RGS14: variants seen among roughly 807,000 people sequenced by gnomAD.
RGS14 encodes regulator of G protein signaling 14.
Under a neutral mutation model 63.8 loss-of-function variants are expected in RGS14, and 33 were observed. That is an observed-to-expected ratio of 0.52 (90% CI 0.39 to 0.69). The LOEUF (loss-of-function observed/expected upper bound fraction) is 0.69, where lower values mean the gene tolerates loss of function less well. Among genes scored for constraint, RGS14 ranks in the 30% least tolerant of loss-of-function variants. RGS14 has a pLI of 0.00. For missense variants in RGS14, 739 were observed against 742.9 expected (o/e 0.99, Z 0.06); for synonymous variants, 296 against 320.9 (o/e 0.92, Z 0.83).
Position 177,371,873 on chromosome 5 carries a change from G to T in RGS14, c.1499G>T (p.Gly500Val), listed in dbSNP as rs374064730. Residue 500 changes from glycine (G) to valine (V), a missense_variant and splice_region_variant, in exon 15 of 15, where the codon GGC (glycine) becomes GTC (valine). Physicochemically the swap from Gly to Val is moderately radical, Grantham distance 109. Coordinates refer to ENST00000408923, the MANE Select transcript of RGS14 (RefSeq NM_006480.5). This position sits in a 1 kb window ranked among gnomAD's most constrained non-coding sequence, Gnocchi z 6.1. ...CCCTCATGCTGTGGCTTGCCTCCAG[G>T]CCTGGTGGAGCTGCTGAACCGGGTG... Reference protein sequence around the residue: ...TGKRQTCDIEGLVELLNRVQS... With the variant: ...TGKRQTCDIEVLVELLNRVQS... The T allele has an allele frequency of 1.2e-6, 2 of 1,610,380 alleles. No individual in the cohort carries two copies. Among genetic ancestry groups the T allele is most frequent in the African/African-American group, 1.3e-5 (1 of 74,910 alleles).
chr5:177,367,598 C>T, intron 6 of RGS14, 41 bp downstream of exon 6: 2 of 1,585,484 alleles, frequency 1.3e-6, no homozygotes, highest in Non-Finnish European at 1.7e-6. Context: ...GGCAGGGGGT[C>T]CTGCGGACCG....
At position 177,359,083 on chromosome 5, in the gene RGS14, A is replaced by G. The variant is rs560846955; in HGVS notation, c.45+1014A>G. Among the ~76,000 whole-genome samples the G allele has an allele frequency of 8.7e-4, 132 of 152,274 alleles. 3 individuals are homozygous for G. The Middle Eastern group carries it at 0.02, about 24-fold the overall frequency. ...TTTGACCCATTGTGGGGGCTGCATA[A>G]TTGTCAGCCCAGTGCCCCCTACATT... is the stretch of plus-strand genomic sequence containing the variant. On this transcript the variant is annotated intron_variant, in intron 1 of 14. Coordinates refer to ENST00000408923, the MANE Select transcript of RGS14 (RefSeq NM_006480.5). The surrounding 1 kb of genome is among the most constrained non-coding windows in gnomAD (Gnocchi z 4.4).
In RGS14 at chr5:177,364,729, CAAG is replaced by C. The variant is rs893455350; in HGVS notation, c.46-1232_46-1230del. Among the ~76,000 whole-genome samples, 71 of 152,246 alleles carry C rather than the reference CAAG, an allele frequency of 4.7e-4. No homozygotes were observed. The highest frequency in any genetic ancestry group is 1.6e-3 in the African/African-American group (68 of 41,532). On this transcript the variant is annotated intron_variant, in intron 1 of 14. Coordinates refer to ENST00000408923, the MANE Select transcript of RGS14 (RefSeq NM_006480.5). The surrounding 1 kb of genome is among the most constrained non-coding windows in gnomAD (Gnocchi z 4.6). ...GCTGCTAGGAAGGTAAAAAGAGAAA[CAAG>C]AGAAACCACCGCAAGAGTCATTTTG...
Position 177,371,789 on chromosome 5 carries a change from G to T in RGS14, c.1499-84G>T. ...TGGTGCTGGGGCCAGGGAGGCAGTG[G>T]CCACAGTAAGGCAGTGGGACTATCG... On this transcript the variant is annotated intron_variant, in intron 14 of 14. Coordinates refer to ENST00000408923, the MANE Select transcript of RGS14 (RefSeq NM_006480.5). This position sits in a 1 kb window ranked among gnomAD's most constrained non-coding sequence, Gnocchi z 6.1. The T allele has an allele frequency of 7.0e-7, 1 of 1,431,142 alleles. No homozygotes were observed. The highest frequency in any genetic ancestry group is 9.6e-7 in the Non-Finnish European group (1 of 1,041,388). The allele number at this position is 1,431,142 out of a possible 1,614,324, so 88.7% of individuals were successfully genotyped here. A position where few individuals can be genotyped will look rare whatever the true frequency, so the allele number is the denominator to read the frequency against.
At chr5:177,360,261 A>G (rs1761932149) in intron 1 of RGS14, among the ~76,000 whole-genome samples, 2 of 152,098 alleles carry the variant, frequency 1.3e-5, no homozygotes, top group African/African-American at 4.8e-5. Context: ...CCTGCCCCCT[A>G]GTCTGGCAAG....
intron 2 of RGS14, 66 bp downstream of exon 2, chr5:177,366,050 G>T: frequency 1.9e-6 from 3 of 1,571,446 alleles, no homozygotes; most frequent in Non-Finnish European, 2.6e-6. Flanking sequence ...GATGGGTGGG[G>T]ACACCCCTGC....
intron 10 of RGS14, 55 bp from the exon 11 acceptor site, chr5:177,370,850 G>A (rs1394830630): frequency 6.4e-7 from 1 of 1,560,842 alleles, no homozygotes; most frequent in East Asian, 2.3e-5. Flanking sequence ...GTCCTGGGAA[G>A]GGTTTGGCGG....
chr5:177,367,202 G>A (rs1427929995), intron 5 of RGS14, 168 bp downstream of exon 5: 12 of 1,117,830 alleles, frequency 1.1e-5, no homozygotes, highest in South Asian at 1.6e-5. Context: ...CGGTATCAGA[G>A]GCACGGGGAA....
chr5:177,367,917 C>G, intron 7 of RGS14, 92 bp downstream of exon 7: 1 of 1,445,482 alleles, frequency 6.9e-7, no homozygotes, highest in Non-Finnish European at 9.1e-7. Flanking sequence ...GGCCCACAGT[C>G]TGTAAGTCTG....
chr5:177,371,062 G>A lies in RGS14; in HGVS notation c.1254+31G>A, dbSNP rs1382426002. The A allele has an allele frequency of 5.4e-6, 6 of 1,105,080 alleles. No homozygotes were observed. The South Asian group carries it at 1.2e-4, about 22-fold the overall frequency. The allele number at this position is 1,105,080 out of a possible 1,614,324, so 68.5% of individuals were successfully genotyped here. Reference sequence around the variant, plus strand: ...CTTCCGGGCCGCGGGGCGGGGCGGGGCGGGGCCGGGCCGGGGCCGGGGCCG... The same window carrying A: ...CTTCCGGGCCGCGGGGCGGGGCGGGACGGGGCCGGGCCGGGGCCGGGGCCG... On this transcript the variant is annotated intron_variant, in intron 11 of 14. Transcript: ENST00000408923. This position sits in a 1 kb window ranked among gnomAD's most constrained non-coding sequence, Gnocchi z 6.1.
chr5:177,363,817 C>G (rs1762030181), intron 1 of RGS14, among the ~76,000 whole-genome samples: 1 of 152,098 alleles, frequency 6.6e-6, no homozygotes, highest in Non-Finnish European at 1.5e-5. Flanking sequence ...AGCCTGCCTC[C>G]CACTGCCTCC....
At chr5:177,365,857 C>T in intron 1 of RGS14, 106 bp from the exon 2 acceptor site, 1 of 1,161,098 alleles carries the variant, frequency 8.6e-7, no homozygotes, top group Admixed American at 1.7e-5. Context: ...CCGGGGATGC[C>T]CAGGTGGAGG....
chr5:177,367,690 C>T, intron 6 of RGS14, 24 bp from the exon 7 acceptor site: 2 of 1,604,302 alleles, frequency 1.2e-6, no homozygotes, highest in Non-Finnish European at 1.7e-6. Context: ...CAGCCCGGTG[C>T]CAGCGCCTCC....
rs1351989572 is a variant in RGS14 at position 177,371,968 on chromosome 5, C to A, written c.1594C>A (p.Gln532Lys). Residue 532 changes from glutamine to lysine, a missense_variant, in exon 15 of 15, where the codon CAG (glutamine) becomes AAG (lysine). Gln to Lys is a moderately conservative substitution (Grantham distance 53). Transcript: ENST00000408923. The surrounding 1 kb of genome is among the most constrained non-coding windows in gnomAD (Gnocchi z 6.1). ...KEDLVLPEFLQLPAQGPSSEE... is the reference protein window; with the variant it reads ...KEDLVLPEFLKLPAQGPSSEE... Reference sequence around the variant, plus strand: ...GGACCTGGTACTTCCAGAATTTCTGCAGCTGCCCGCCCAAGGGCCCAGCTC... The same window carrying A: ...GGACCTGGTACTTCCAGAATTTCTGAAGCTGCCCGCCCAAGGGCCCAGCTC... The A allele has an allele frequency of 2.5e-6, 4 of 1,614,152 alleles. No individual in the cohort carries two copies. The Admixed American group carries it at 6.7e-5, about 27-fold the overall frequency.
In RGS14 at chr5:177,364,101, A is replaced by C. The variant is rs557800822; in HGVS notation, c.46-1862A>C. ...CATATCTGCAGACCGGATCTGGCCC[A>C]CAGATGGCCGCCCTGTGACCTGAAT... On this transcript the variant is annotated intron_variant, in intron 1 of 14. Coordinates refer to ENST00000408923, the MANE Select transcript of RGS14 (RefSeq NM_006480.5). The surrounding 1 kb of genome is among the most constrained non-coding windows in gnomAD (Gnocchi z 4.6). Among the ~76,000 whole-genome samples, 32 of 152,242 alleles carry C rather than the reference A, an allele frequency of 2.1e-4. No individual in the cohort carries two copies. The highest frequency in any genetic ancestry group is 3.7e-4 in the Non-Finnish European group (25 of 68,024).
intron 1 of RGS14, among the ~76,000 whole-genome samples, chr5:177,363,185 C>T (rs539103296): frequency 6.6e-6 from 1 of 152,300 alleles, no homozygotes; most frequent in Non-Finnish European, 1.5e-5. Flanking sequence ...TCCCGTCCCT[C>T]CTCGCAGCCC....
Position 177,363,376 on chromosome 5 carries a change from T to C in RGS14, c.46-2587T>C, listed in dbSNP as rs573483458. 2.8e-3 allele frequency among the ~76,000 whole-genome samples: 420 copies of C among 149,986 alleles called. 1 individual carries two copies. The highest frequency in any genetic ancestry group is 9.9e-3 in the African/African-American group (407 of 41,026). On this transcript the variant is annotated intron_variant, in intron 1 of 14. Transcript: ENST00000408923. ...ACGCCCCGCCCAGCGCGCTCTGCAC[T>C]AACTCGCTGCCCTCCACTGCAACTT...
Position 177,359,023 on chromosome 5 carries a change from T to A in RGS14, c.45+954T>A, listed in dbSNP as rs1048351948. 1.3e-5 allele frequency among the ~76,000 whole-genome samples: 2 copies of A among 152,182 alleles called. No individual in the cohort carries two copies. Among genetic ancestry groups the A allele is most frequent in the Non-Finnish European group, 2.9e-5 (2 of 68,024 alleles). Reference sequence around the variant, plus strand: ...AGGTTGGAATGAATTTCAAGGCTTGTTGAGATGATAGAGTGAAATAATGCA... The same window carrying A: ...AGGTTGGAATGAATTTCAAGGCTTGATGAGATGATAGAGTGAAATAATGCA... On this transcript the variant is annotated intron_variant, in intron 1 of 14. Transcript: ENST00000408923. This position sits in a 1 kb window ranked among gnomAD's most constrained non-coding sequence, Gnocchi z 4.4.
In RGS14 at chr5:177,371,444, C is replaced by T. The variant is rs1762267325; in HGVS notation, c.1384-31C>T. 2.5e-6 allele frequency: 4 copies of T among 1,613,998 alleles called. No homozygotes were observed. The highest frequency in any genetic ancestry group is 1.7e-5 in the Admixed American group (1 of 60,004). On this transcript the variant is annotated intron_variant, in intron 13 of 14. Transcript: ENST00000408923. The surrounding 1 kb of genome is among the most constrained non-coding windows in gnomAD (Gnocchi z 6.1). ...CTTCCACCCTCTGCTTCTCCCCTCC[C>T]GATTTTGGCTCTGACCCCAAATTCT...
Sources: gnomAD v4.1 joint callset for allele counts (sites outside exome capture counted in the v4.1 genomes callset) on GRCh38, gnomAD v4.1.1 for gene constraint, Gnocchi (gnomAD v3.1) non-coding constraint, MANE v1.5 for transcripts, NCBI Gene and HGNC (gene_info 2026-07-23, HGNC 2026-07-21) for gene names.